The following ADAMTS12 variants were observed in gnomAD, a reference collection of about 807,000 sequenced individuals.
ADAMTS12 encodes the protein ADAM metallopeptidase with thrombospondin type 1 motif 12, also known as A disintegrin and metalloproteinase with thrombospondin motifs 12.
In ADAMTS12, 118 loss-of-function variants were observed where a neutral mutation model predicts 167.8. That is an observed-to-expected ratio of 0.70 (90% CI 0.61 to 0.82). ADAMTS12 has a LOEUF of 0.82. ADAMTS12 is among the 40% of genes least tolerant of loss of function. ADAMTS12 has a pLI of 0.00. For synonymous variants in ADAMTS12, 704 were observed against 716.9 expected, an observed-to-expected ratio of 0.98 and a Z score of 0.29; for missense variants, 1,916 against 1,998.8, an observed-to-expected ratio of 0.96 and a Z score of 0.79.
Position 33,595,937 on chromosome 5 carries a change from G to A in ADAMTS12, c.2651C>T (p.Pro884Leu). 1 of 1,614,030 alleles carries A rather than the reference G, an allele frequency of 6.2e-7. No individual in the cohort carries two copies. The highest frequency in any genetic ancestry group is 8.5e-7 in the Non-Finnish European group (1 of 1,179,922). Residue 884 changes from proline (P) to leucine (L), a missense_variant, in exon 17 of 24, where the codon CCC becomes CTC. Pro to Leu is a moderately conservative substitution (Grantham distance 98). Coordinates refer to ENST00000504830, the MANE Select transcript of ADAMTS12 (RefSeq NM_030955.4). Reference protein sequence around the residue: ...QKKCHEKACPPRWWAGEWEAC... With the variant: ...QKKCHEKACPLRWWAGEWEAC... Reference sequence around the variant, plus strand: ...TCCAGCTGTTAGCGATGGTTACCTGGGTGGACAAGCCTTTTCATGGCACTT... The same window carrying A: ...TCCAGCTGTTAGCGATGGTTACCTGAGTGGACAAGCCTTTTCATGGCACTT...
intron 20 of ADAMTS12, among the ~76,000 whole-genome samples, chr5:33,549,945 A>C (rs570233275): frequency 6.6e-6 from 1 of 152,302 alleles, no homozygotes; most frequent in South Asian, 2.1e-4. Flanking sequence ...AACTGAATTA[A>C]CTACTCAGTG....
chr5:33,534,223 A>C (rs1355551387), intron 23 of ADAMTS12, among the ~76,000 whole-genome samples: 1 of 152,118 alleles, frequency 6.6e-6, no homozygotes, highest in Non-Finnish European at 1.5e-5. Flanking sequence ...GGAGTGGACA[A>C]CTTGGGGGTA....
chr5:33,576,263 G>C lies in ADAMTS12; in HGVS notation c.3763C>G (p.His1255Asp), dbSNP rs922399712. ...GTCTTTCCTGAGGGTTCTGGCTGGT[G>C]GTCTCCTCCCAGAGGGAGCAGAGTG... ...ANTLLPLGGD[H>D]QPEPSGKTAN... is the part of the protein sequence containing the mutation. The change falls in exon 19 of 24, where the codon CAC (histidine) becomes GAC (aspartate). Residue 1255 changes from histidine (H) to aspartate (D), a missense_variant. Physicochemically the swap from His to Asp is moderately conservative, Grantham distance 81 (BLOSUM62 -1). Coordinates refer to ENST00000504830, the MANE Select transcript of ADAMTS12 (RefSeq NM_030955.4). The C allele has an allele frequency of 6.2e-7, 1 of 1,614,178 alleles. No individual in the cohort carries two copies. The highest frequency in any genetic ancestry group is 1.7e-5 in the Admixed American group (1 of 60,024).
chr5:33,573,600 A>C (rs1166566823), intron 19 of ADAMTS12, among the ~76,000 whole-genome samples: 1 of 152,178 alleles, frequency 6.6e-6, no homozygotes, highest in Non-Finnish European at 1.5e-5. Context: ...TTAATTCAAG[A>C]TGGATTAAAG....
intron 2 of ADAMTS12, among the ~76,000 whole-genome samples, chr5:33,790,193 A>C (rs1398026965): frequency 6.6e-6 from 1 of 152,222 alleles, no homozygotes; most frequent in Non-Finnish European, 1.5e-5. Context: ...TTTCTTTTAG[A>C]GCAGTTCCAT....
chr5:33,828,645 CA>C (rs2112514992), intron 2 of ADAMTS12, among the ~76,000 whole-genome samples: 1 of 152,244 alleles, frequency 6.6e-6, no homozygotes, highest in South Asian at 2.1e-4. Flanking sequence ...ACCTAGGGTC[CA>C]TATTTGTATG....
intron 11 of ADAMTS12, among the ~76,000 whole-genome samples, chr5:33,638,609 C>T (rs4501345): frequency 0.69 from 104,379 of 151,964 alleles, 37,761 homozygotes; most frequent in Non-Finnish European, 0.81. Context: ...TGGATTTCCA[C>T]CAGCAGTAAT....
At chr5:33,823,927 T>G (rs531945192) in intron 2 of ADAMTS12, among the ~76,000 whole-genome samples, 2 of 152,244 alleles carry the variant, frequency 1.3e-5, no homozygotes, top group Admixed American at 6.5e-5. Context: ...TGTTGGTTAA[T>G]TGGACTGTGG....
chr5:33,561,601 G>A (rs1745753188), intron 19 of ADAMTS12, among the ~76,000 whole-genome samples: 2 of 152,126 alleles, frequency 1.3e-5, no homozygotes, highest in Admixed American at 6.5e-5. Context: ...GGGCAACATA[G>A]GGAGAACCCA....
intron 2 of ADAMTS12, among the ~76,000 whole-genome samples, chr5:33,824,382 T>C (rs1170926571): frequency 6.6e-6 from 1 of 152,162 alleles, no homozygotes; most frequent in Non-Finnish European, 1.5e-5. Flanking sequence ...GAAGGTAGGT[T>C]CCCTTCTATA....
At chr5:33,654,178 T>G (rs912690483) in intron 7 of ADAMTS12, among the ~76,000 whole-genome samples, 2 of 152,212 alleles carry the variant, frequency 1.3e-5, no homozygotes, top group East Asian at 3.9e-4. Flanking sequence ...CTTTTATTTC[T>G]TAGCTGACAC....
intron 2 of ADAMTS12, among the ~76,000 whole-genome samples, chr5:33,755,641 A>G (rs1038903147): frequency 1.3e-5 from 2 of 152,146 alleles, no homozygotes; most frequent in African/African-American, 2.4e-5. Flanking sequence ...AGAGTCACCC[A>G]CCCCATGCTG....
At chr5:33,874,471 A>G (rs1055067007) in intron 2 of ADAMTS12, among the ~76,000 whole-genome samples, 4 of 152,230 alleles carry the variant, frequency 2.6e-5, no homozygotes, top group African/African-American at 9.6e-5. Context: ...ACTCACCTTC[A>G]TTGCTGGTGA....
chr5:33,771,317 T>C (rs1045555071), intron 2 of ADAMTS12, among the ~76,000 whole-genome samples: 8 of 152,174 alleles, frequency 5.3e-5, no homozygotes, highest in Non-Finnish European at 8.8e-5. Context: ...ACAATGGGTT[T>C]GGAAGGAGTA....
chr5:33,758,361 C>CCAT (rs1354685817), intron 2 of ADAMTS12, among the ~76,000 whole-genome samples: 1 of 151,938 alleles, frequency 6.6e-6, no homozygotes, highest in Non-Finnish European at 1.5e-5. Context: ...TGATCCTGAG[C>CCAT]CATCGCTAGG....
In ADAMTS12 at chr5:33,596,137, A is replaced by G. The variant is rs1215357996; in HGVS notation, c.2528-77T>C. The G allele has an allele frequency of 2.6e-6, 4 of 1,552,550 alleles. No individual in the cohort carries two copies. In the East Asian group the frequency reaches 9.1e-5, roughly 35 times the overall value. On this transcript the variant is annotated intron_variant, in intron 16 of 23. Coordinates refer to ENST00000504830, the MANE Select transcript of ADAMTS12 (RefSeq NM_030955.4). Reference sequence around the variant, plus strand: ...TCATGGTCAGGTGAGGTACCTGACCACGTCAACGATCATGCTGACGGCTGA... The same window carrying G: ...TCATGGTCAGGTGAGGTACCTGACCGCGTCAACGATCATGCTGACGGCTGA...
At chr5:33,654,666 G>A (rs1740980601) in intron 7 of ADAMTS12, among the ~76,000 whole-genome samples, 1 of 152,156 alleles carries the variant, frequency 6.6e-6, no homozygotes, top group Non-Finnish European at 1.5e-5. Flanking sequence ...CCCAAGTAGT[G>A]GTGTTTGATG....
At chr5:33,645,491 A>G (rs1208572925) in intron 9 of ADAMTS12, among the ~76,000 whole-genome samples, 2 of 152,112 alleles carry the variant, frequency 1.3e-5, no homozygotes, top group Non-Finnish European at 2.9e-5. Context: ...GTCTCTTCCA[A>G]CGTGGAAGTG....
intron 5 of ADAMTS12, among the ~76,000 whole-genome samples, chr5:33,679,043 G>C (rs946315593): frequency 1.3e-5 from 2 of 152,190 alleles, no homozygotes; most frequent in African/African-American, 4.8e-5. Flanking sequence ...GTCATGTGCA[G>C]ACATGAGCAA....
Sources: allele counts gnomAD v4.1 joint callset (sites outside exome capture counted in the v4.1 genomes callset), GRCh38; gene constraint gnomAD v4.1.1; transcripts MANE v1.5; gene names NCBI Gene and HGNC (gene_info 2026-07-23, HGNC 2026-07-21).